SIPA1L3: variants seen among roughly 807,000 people sequenced by gnomAD.
The protein encoded by SIPA1L3 is signal induced proliferation associated 1 like 3.
In SIPA1L3, 59 loss-of-function variants were observed where a neutral mutation model predicts 150.1. The observed-to-expected ratio is 0.39, with a 90% CI of 0.32 to 0.49. The LOEUF (loss-of-function observed/expected upper bound fraction) is 0.49, where lower values mean the gene tolerates loss of function less well. SIPA1L3 is among the 20% of genes least tolerant of loss of function. The pLI is 0.86. For synonymous variants in SIPA1L3, 1,070 were observed against 1,077.6 expected (o/e 0.99, Z 0.14); for missense variants, 2,211 against 2,489.5 (o/e 0.89, Z 2.38).
chr19:38,080,902 G>A (rs1010932043), intron 2 of SIPA1L3, among the ~76,000 whole-genome samples: 2 of 151,752 alleles, frequency 1.3e-5, no homozygotes, highest in African/African-American at 2.4e-5. Flanking sequence ...CCTTCGAGGT[G>A]GATGTTGCAA....
intron 1 of SIPA1L3, among the ~76,000 whole-genome samples, chr19:37,949,533 C>T (rs905430689): frequency 2.0e-5 from 3 of 152,026 alleles, no homozygotes; most frequent in South Asian, 2.1e-4. Context: ...GGTGTGGTGG[C>T]GCACGCCTGT....
At chr19:37,979,436 A>G (rs927491007) in intron 1 of SIPA1L3, among the ~76,000 whole-genome samples, 21 of 151,780 alleles carry the variant, frequency 1.4e-4, no homozygotes, top group Admixed American at 6.6e-5. Flanking sequence ...ACACACCTGT[A>G]ATCCCAGCTA....
Position 38,182,702 on chromosome 19 carries a change from G to A in SIPA1L3, c.4392G>A (p.Glu1464=). The A allele has an allele frequency of 6.2e-7, 1 of 1,613,854 alleles. No homozygotes were observed. Among genetic ancestry groups the A allele is most frequent in the Non-Finnish European group, 8.5e-7 (1 of 1,179,902 alleles). ...CAACAGGGTGGAAGAGAACGGAGGA[G>A]CCCCCACCACGGCCACTCCCCTTCA... ...KHPTGWKRTE[E]PPPRPLPFSD... Residue 1464 remains glutamate (E), a synonymous_variant, in exon 16 of 22, where the codon GAG becomes GAA. Coordinates refer to ENST00000222345, the MANE Select transcript of SIPA1L3 (RefSeq NM_015073.3).
In SIPA1L3 at chr19:38,083,111, C is replaced by T. The variant is rs1021450075; in HGVS notation, c.1534+12C>T. On this transcript the variant is annotated intron_variant, in intron 3 of 21. Coordinates refer to ENST00000222345, the MANE Select transcript of SIPA1L3 (RefSeq NM_015073.3). ...CTTCGTGGGCAAAGGTGACGGATGG[C>T]GTGTGGGTGGGAAGGTTGGGTGGGC... The T allele has an allele frequency of 2.3e-5, 37 of 1,599,012 alleles. No individual in the cohort carries two copies. The highest frequency in any genetic ancestry group is 1.7e-4 in the Middle Eastern group (1 of 6,048).
chr19:38,118,613 A>C (rs2145893260), intron 8 of SIPA1L3, among the ~76,000 whole-genome samples: 1 of 151,598 alleles, frequency 6.6e-6, no homozygotes, highest in African/African-American at 2.4e-5. Context: ...GGCTCACTGC[A>C]ACCTCCGCCT....
Position 38,081,584 on chromosome 19 carries a change from A to AT in SIPA1L3, c.20dup (p.Ser9GlnfsTer172). On this transcript the variant is annotated frameshift_variant, in exon 3 of 22. Coordinates refer to ENST00000222345, the MANE Select transcript of SIPA1L3 (RefSeq NM_015073.3). LOFTEE classifies it high-confidence loss of function. ...GTGGACTATGACCACCTATCGGGCCATCCCCAGCGATGGTGTGGACCTGGC... is the reference window on the plus strand; with the variant it reads ...GTGGACTATGACCACCTATCGGGCCATTCCCCAGCGATGGTGTGGACCTGGC... 1 of 1,591,816 alleles carries AT rather than the reference A, an allele frequency of 6.3e-7. No individual in the cohort carries two copies.
At chr19:38,099,298 A>C (rs1033409266) in intron 4 of SIPA1L3, among the ~76,000 whole-genome samples, 1 of 150,996 alleles carries the variant, frequency 6.6e-6, no homozygotes, top group East Asian at 1.9e-4. Flanking sequence ...GGCCTCCCCA[A>C]AGTGCTGGGG....
At chr19:38,183,606 G>A (rs897063126) in intron 16 of SIPA1L3, among the ~76,000 whole-genome samples, 1 of 152,206 alleles carries the variant, frequency 6.6e-6, no homozygotes, top group Non-Finnish European at 1.5e-5. Flanking sequence ...CGTGAGGGGG[G>A]CCCTTGAGTA....
intron 15 of SIPA1L3, among the ~76,000 whole-genome samples, chr19:38,181,760 C>T (rs1322233149): frequency 3.3e-5 from 5 of 151,148 alleles, no homozygotes; most frequent in African/African-American, 1.2e-4. Context: ...GCAGGAGAAT[C>T]GCTTGAACCC....
chr19:38,184,820 A>G (rs1188348001), intron 16 of SIPA1L3: 1 of 152,128 alleles, frequency 6.6e-6, no homozygotes, highest in Non-Finnish European at 1.5e-5. Context: ...AAAACTCAGC[A>G]GCCTCCCCAT....
chr19:37,945,236 GGTT>G, intron 1 of SIPA1L3, among the ~76,000 whole-genome samples: 1 of 151,980 alleles, frequency 6.6e-6, no homozygotes, highest in East Asian at 1.9e-4. Context: ...TCATGTCTTA[GGTT>G]GTTTTTTTTT....
At chr19:38,200,500 C>G (rs575100573) in intron 19 of SIPA1L3, 2 of 152,276 alleles carry the variant, frequency 1.3e-5, no homozygotes, top group Admixed American at 6.5e-5. Context: ...CCACTGCACT[C>G]CAGCGTGGGC....
chr19:38,123,613 G>A (rs553241907), intron 9 of SIPA1L3, among the ~76,000 whole-genome samples: 42 of 151,262 alleles, frequency 2.8e-4, no homozygotes, highest in Middle Eastern at 3.4e-3. Flanking sequence ...TCCCAAGGCC[G>A]AAGAATTTTT....
chr19:38,074,081 C>T (rs1485198517), intron 2 of SIPA1L3, among the ~76,000 whole-genome samples: 6 of 152,196 alleles, frequency 3.9e-5, no homozygotes, highest in Non-Finnish European at 2.9e-5. Context: ...CGGGGGTTCC[C>T]CATCGGGAAG....
chr19:38,066,226 C>T (rs1321138044), intron 2 of SIPA1L3, among the ~76,000 whole-genome samples: 1 of 151,880 alleles, frequency 6.6e-6, no homozygotes, highest in African/African-American at 2.4e-5. Flanking sequence ...TTATGTTATC[C>T]AGGCTGGTCT....
In SIPA1L3 at chr19:38,047,237, C is replaced by T. The variant is rs919048307; in HGVS notation, c.-311+18081C>T. Among the ~76,000 whole-genome samples the T allele has an allele frequency of 7.9e-5, 12 of 152,030 alleles. No individual in the cohort carries two copies. The highest frequency in any genetic ancestry group is 2.7e-4 in the African/African-American group (11 of 41,370). On this transcript the variant is annotated intron_variant, in intron 2 of 21. Transcript: ENST00000222345. This position sits in a 1 kb window ranked among gnomAD's most constrained non-coding sequence, Gnocchi z 4.7. ...GTTCTCCCCCGCCGACACACACGCACGCACACACGCACGCACTCACACACA... is the reference window on the plus strand; with the variant it reads ...GTTCTCCCCCGCCGACACACACGCATGCACACACGCACGCACTCACACACA...
rs1357731995 is a variant in SIPA1L3, at chr19:38,197,585, C to T, written c.4841-804C>T. On this transcript the variant is annotated intron_variant, in intron 18 of 21. Transcript: ENST00000222345. Reference sequence around the variant, plus strand: ...GTCGCCAGCTCCTGTGGCCAGCCTCCGTCCCACCATCTCCTTGGAATGTCC... The same window carrying T: ...GTCGCCAGCTCCTGTGGCCAGCCTCTGTCCCACCATCTCCTTGGAATGTCC... Among the ~76,000 whole-genome samples, 5 of 152,034 alleles carry T rather than the reference C, an allele frequency of 3.3e-5. No individual in the cohort carries two copies. In the East Asian group the frequency reaches 5.8e-4, roughly 18 times the overall value.
At chr19:37,954,019 G>A (rs142584033) in intron 1 of SIPA1L3, among the ~76,000 whole-genome samples, 23 of 152,248 alleles carry the variant, frequency 1.5e-4, no homozygotes, top group African/African-American at 5.5e-4. Context: ...TTATTTGTGG[G>A]AGAAGAAAAT....
chr19:38,028,853 C>A (rs889498451), intron 1 of SIPA1L3, among the ~76,000 whole-genome samples: 1 of 152,002 alleles, frequency 6.6e-6, no homozygotes, highest in Non-Finnish European at 1.5e-5. Context: ...CCACCACGCC[C>A]GGCTAATTTT....
Sources: allele counts gnomAD v4.1 joint callset (sites outside exome capture counted in the v4.1 genomes callset), GRCh38; gene constraint gnomAD v4.1.1; non-coding constraint Gnocchi (gnomAD v3.1); transcripts MANE v1.5; gene names NCBI Gene and HGNC (gene_info 2026-07-23, HGNC 2026-07-21).